Variants in PCDHA8 observed in about 807,000 individuals in gnomAD.
PCDHA8 encodes the protein protocadherin alpha 8, also known as protocadherin alpha-8.
Under a neutral mutation model 61.8 loss-of-function variants are expected in PCDHA8, and 53 were observed. The observed-to-expected ratio is 0.86, with a 90% confidence interval of 0.69 to 1.08. The LOEUF is 1.08. PCDHA8 is among the 50% of genes least tolerant of loss of function. PCDHA8 has a pLI of 0.00. For synonymous variants in PCDHA8, 618 were observed against 556.6 expected (o/e 1.11, Z -1.55); for missense variants, 1,293 against 1,245.0 (o/e 1.04, Z -0.58).
intron 3 of PCDHA8, among the ~76,000 whole-genome samples, chr5:141,004,307 A>G (rs924420604): frequency 6.6e-6 from 1 of 152,224 alleles, no homozygotes; most frequent in Admixed American, 6.5e-5. Context: ...TTTGTTTTAT[A>G]CAACAACCAG....
intron 1 of PCDHA8, among the ~76,000 whole-genome samples, chr5:140,940,974 A>G (rs1206597858): frequency 6.6e-6 from 1 of 152,220 alleles, no homozygotes; most frequent in Non-Finnish European, 1.5e-5. Flanking sequence ...GATATCTGGT[A>G]TCTAGTTACA....
chr5:140,868,872 G>T, intron 1 of PCDHA8: 1 of 640,590 alleles, frequency 1.6e-6, no homozygotes. Context: ...GCAGTGCACA[G>T]TACTCACAGT....
intron 1 of PCDHA8, chr5:140,966,338 A>C (rs2095992774): frequency 2.5e-6 from 1 of 394,586 alleles, no homozygotes; most frequent in Non-Finnish European, 4.5e-6. Flanking sequence ...CGGCAGGTCC[A>C]GGGTGAAGGA....
Position 140,876,293 on chromosome 5 carries a change from A to G in PCDHA8, c.2394+32578A>G, listed in dbSNP as rs201253884. Reference sequence around the variant, plus strand: ...GCTTCCGATCCAGACGAAGGACTTAATGGAGAAATTTCCTATGGGATCAAA... The same window carrying G: ...GCTTCCGATCCAGACGAAGGACTTAGTGGAGAAATTTCCTATGGGATCAAA... On this transcript the variant is annotated intron_variant, in intron 1 of 3. Transcript: ENST00000531613. The G allele has an allele frequency of 9.9e-6, 16 of 1,613,942 alleles. No homozygotes were observed. The highest frequency in any genetic ancestry group is 2.5e-6 in the Non-Finnish European group (3 of 1,179,906).
intron 1 of PCDHA8, among the ~76,000 whole-genome samples, chr5:140,953,733 TG>T (rs1449457533): frequency 2.6e-5 from 4 of 152,200 alleles, no homozygotes; most frequent in Admixed American, 6.5e-5. Context: ...TTGAAATTTT[TG>T]CTTAACATTA....
At chr5:140,927,674 A>C (rs201769803) in intron 1 of PCDHA8, 1 of 1,614,182 alleles carries the variant, frequency 6.2e-7, no homozygotes, top group Admixed American at 1.7e-5. Flanking sequence ...TTGGATCCAG[A>C]TGAAGGGTCC....
intron 1 of PCDHA8, among the ~76,000 whole-genome samples, chr5:140,944,007 C>T (rs1181625750): frequency 1.3e-5 from 2 of 152,046 alleles, no homozygotes; most frequent in Non-Finnish European, 2.9e-5. Flanking sequence ...TGAGTACCCC[C>T]CAAAAGCAAT....
At chr5:140,914,596 C>A (rs1454753124) in intron 1 of PCDHA8, among the ~76,000 whole-genome samples, 1 of 152,128 alleles carries the variant, frequency 6.6e-6, no homozygotes, top group Non-Finnish European at 1.5e-5. Flanking sequence ...TAAGTAGGAA[C>A]TTCCTCCTGC....
Position 140,881,317 on chromosome 5 carries a change from T to A in PCDHA8, c.2394+37602T>A, listed in dbSNP as rs2058663628. On this transcript the variant is annotated intron_variant, in intron 1 of 3. Coordinates refer to ENST00000531613, the MANE Select transcript of PCDHA8 (RefSeq NM_018911.3). ...GGAAACTTTAACCTCCTGGTTAAAT[T>A]CTATTTAACCAGGACGCCGATTCGG... 8.2e-6 allele frequency: 8 copies of A among 977,378 alleles called. No individual in the cohort carries two copies. The Admixed American group carries it at 4.9e-4, about 60-fold the overall frequency. The allele number at this position is 977,378 out of a possible 1,614,324, so 60.5% of individuals were successfully genotyped here.
chr5:141,000,447 G>C (rs2097938373), intron 3 of PCDHA8, among the ~76,000 whole-genome samples: 1 of 41,758 alleles, frequency 2.4e-5, no homozygotes, highest in Admixed American at 2.7e-4. Flanking sequence ...TTTTTTTTGA[G>C]ACAGAGTTTT....
intron 1 of PCDHA8, chr5:140,849,310 G>A (rs2150434559): frequency 3.1e-6 from 4 of 1,307,514 alleles, no homozygotes; most frequent in African/African-American, 1.7e-5. Flanking sequence ...TTAGACGAAG[G>A]CTTGAATGGG....
chr5:141,005,714 A>AAG (rs2098233543), intron 3 of PCDHA8, among the ~76,000 whole-genome samples: 1 of 148,328 alleles, frequency 6.7e-6, no homozygotes, highest in Non-Finnish European at 1.5e-5. Flanking sequence ...AAAAAAAAAA[A>AAG]AAAAAAAAAA....
chr5:140,871,468 G>A lies in PCDHA8; in HGVS notation c.2394+27753G>A, dbSNP rs781821721. 4 of 1,602,054 alleles carry A rather than the reference G, an allele frequency of 2.5e-6. No individual in the cohort carries two copies. In the Admixed American group the frequency reaches 5.2e-5, roughly 21 times the overall value. On this transcript the variant is annotated intron_variant, in intron 1 of 3. Transcript: ENST00000531613. Reference sequence around the variant, plus strand: ...TAAAGAGGAGGAAGGGGAAAGACAGGAGCCAGGGTCAAATCACCCCGGACA... The same window carrying A: ...TAAAGAGGAGGAAGGGGAAAGACAGAAGCCAGGGTCAAATCACCCCGGACA...
chr5:140,884,731 C>T (rs2060333216), intron 1 of PCDHA8: 2 of 1,449,296 alleles, frequency 1.4e-6, no homozygotes, highest in East Asian at 4.9e-5. Flanking sequence ...TTGTTTAAGA[C>T]ATCTTTCCTG....
intron 1 of PCDHA8, among the ~76,000 whole-genome samples, chr5:140,878,538 C>T (rs1001402199): frequency 3.9e-5 from 6 of 152,088 alleles, no homozygotes; most frequent in Non-Finnish European, 7.4e-5. Context: ...TGGCTCAAAC[C>T]AGTTTCAGAT....
chr5:140,926,723 C>G (rs1224901751), intron 1 of PCDHA8: 1 of 1,034,598 alleles, frequency 9.7e-7, no homozygotes, highest in Non-Finnish European at 1.3e-6. Flanking sequence ...CCGGCAATGC[C>G]GGCGTTCGGG....
At chr5:140,967,226 C>G (rs782350843) in intron 1 of PCDHA8, 1 of 1,613,746 alleles carries the variant, frequency 6.2e-7, no homozygotes, top group Non-Finnish European at 8.5e-7. Flanking sequence ...GCCCAACTAC[C>G]AGCTTCAGGT....
At chr5:140,945,091 TAAAC>T (rs1467444609) in intron 1 of PCDHA8, among the ~76,000 whole-genome samples, 2 of 152,110 alleles carry the variant, frequency 1.3e-5, no homozygotes, top group African/African-American at 2.4e-5. Context: ...TTGGAACTAA[TAAAC>T]AAAATAAAGT....
intron 1 of PCDHA8, among the ~76,000 whole-genome samples, chr5:140,926,202 G>T (rs1194252332): frequency 6.6e-6 from 1 of 151,658 alleles, no homozygotes; most frequent in East Asian, 1.9e-4. Flanking sequence ...TTCTTTCGGG[G>T]GGCTCCTGTT....
Sources: gnomAD v4.1 joint callset for allele counts (sites outside exome capture counted in the v4.1 genomes callset) on GRCh38, gnomAD v4.1.1 for gene constraint, MANE v1.5 for transcripts, NCBI Gene and HGNC (gene_info 2026-07-23, HGNC 2026-07-21) for gene names.